NAALADL2: variants seen among roughly 807,000 people sequenced by gnomAD.
NAALADL2 encodes the protein N-acetylated alpha-linked acidic dipeptidase like 2, also known as inactive N-acetylated-alpha-linked acidic dipeptidase-like protein 2.
In NAALADL2, 76 loss-of-function variants were observed where a neutral mutation model predicts 87.2. That is an observed-to-expected ratio of 0.87 (90% confidence interval 0.72 to 1.05). The LOEUF (loss-of-function observed/expected upper bound fraction) is 1.05, where lower values mean the gene tolerates loss of function less well. NAALADL2 is among the 50% of genes least tolerant of loss of function. The probability of loss-of-function intolerance (pLI) is 0.00; values close to 1 mark genes in which losing one functional copy is unlikely to be tolerated. For missense variants in NAALADL2, 1,089 were observed against 945.8 expected (o/e 1.15, Z -1.99); for synonymous variants, 354 against 331.0 (o/e 1.07, Z -0.75).
intron 1 of NAALADL2, among the ~76,000 whole-genome samples, chr3:174,979,273 A>G (rs1744779507): frequency 6.7e-6 from 1 of 150,038 alleles, no homozygotes; most frequent in African/African-American, 2.5e-5. Flanking sequence ...AAGACTTACC[A>G]ATATCTAGTA....
rs550957431 is a variant in NAALADL2 at position 175,791,848 on chromosome 3, C to T, written c.2190-11157C>T. 5.5e-4 allele frequency among the ~76,000 whole-genome samples: 82 copies of T among 150,338 alleles called. 1 individual carries two copies. The highest frequency in any genetic ancestry group is 9.5e-4 in the Non-Finnish European group (64 of 67,702). On this transcript the variant is annotated intron_variant, in intron 13 of 13. Coordinates refer to ENST00000454872, the MANE Select transcript of NAALADL2 (RefSeq NM_207015.3). The stretch of plus-strand genomic sequence containing the variant: ...CTATTTTGTGCTGCATACCTGAGGA[C>T]CCTCTTCAACCCTCTAATATTCACA...
intron 1 of NAALADL2, among the ~76,000 whole-genome samples, chr3:174,491,546 A>C (rs1220810220): frequency 6.6e-6 from 1 of 152,200 alleles, no homozygotes; most frequent in Non-Finnish European, 1.5e-5. Context: ...TCTATGTTTA[A>C]ATAAATTAAT....
At chr3:175,040,638 T>C (rs1313026977) in intron 1 of NAALADL2, among the ~76,000 whole-genome samples, 1 of 152,192 alleles carries the variant, frequency 6.6e-6, no homozygotes, top group Non-Finnish European at 1.5e-5. Flanking sequence ...CTTTTTTCCA[T>C]CTACGATAGT....
chr3:175,188,509 G>T (rs1355484384), intron 2 of NAALADL2, among the ~76,000 whole-genome samples: 1 of 152,062 alleles, frequency 6.6e-6, no homozygotes, highest in Admixed American at 6.6e-5. Context: ...CACCTTCTGG[G>T]GCCAAGCTAA....
chr3:175,426,938 C>A lies in NAALADL2; in HGVS notation c.1091-20291C>A, dbSNP rs563247855. ...TTGTGATGACCGGAAACAGAATGTG[C>A]TGACTAAGCAACCTGAGCAACCTCA... On this transcript the variant is annotated intron_variant, in intron 5 of 13. Transcript: ENST00000454872. Among the ~76,000 whole-genome samples the A allele has an allele frequency of 8.5e-5, 13 of 152,240 alleles. No homozygotes were observed. In the South Asian group the frequency reaches 2.1e-3, roughly 24 times the overall value.
chr3:175,368,325 G>T lies in NAALADL2; in HGVS notation c.1090+44000G>T, dbSNP rs540534558. ...TATTGGTCTAAAATTCTCTTTTTTGGTTGTGTCTCTGCCTGGCTTTGGTAT... is the reference window on the plus strand; with the variant it reads ...TATTGGTCTAAAATTCTCTTTTTTGTTTGTGTCTCTGCCTGGCTTTGGTAT... On this transcript the variant is annotated intron_variant, in intron 5 of 13. Transcript: ENST00000454872. Among the ~76,000 whole-genome samples, 470 of 151,956 alleles carry T rather than the reference G, an allele frequency of 3.1e-3. 3 individuals are homozygous for T. The highest frequency in any genetic ancestry group is 0.011 in the African/African-American group (438 of 41,492).
chr3:175,046,960 G>A (rs896700949), intron 1 of NAALADL2, among the ~76,000 whole-genome samples: 2 of 152,132 alleles, frequency 1.3e-5, no homozygotes, highest in African/African-American at 4.8e-5. Flanking sequence ...CAAGATCAAA[G>A]TGCCAGAAGA....
chr3:175,015,488 G>A (rs956327857), intron 1 of NAALADL2, among the ~76,000 whole-genome samples: 1 of 151,998 alleles, frequency 6.6e-6, no homozygotes, highest in African/African-American at 2.4e-5. Context: ...TCTTGCCTGA[G>A]ACCTGATAAA....
chr3:175,690,841 T>A lies in NAALADL2; in HGVS notation c.1897-46465T>A, dbSNP rs952724938. ...TGTCTTTATTGTTTTAGTGTAAAAA[T>A]AGTGATAATACTTTTTATGGATTTG... is the stretch of plus-strand genomic sequence containing the variant. On this transcript the variant is annotated intron_variant, in intron 11 of 13. Coordinates refer to ENST00000454872, the MANE Select transcript of NAALADL2 (RefSeq NM_207015.3). 3.3e-5 allele frequency among the ~76,000 whole-genome samples: 5 copies of A among 152,150 alleles called. No homozygotes were observed. The East Asian group carries it at 9.7e-4, about 29-fold the overall frequency.
chr3:174,637,357 A>G (rs1722748484), intron 2 of NAALADL2, among the ~76,000 whole-genome samples: 1 of 152,086 alleles, frequency 6.6e-6, no homozygotes, highest in Non-Finnish European at 1.5e-5. Context: ...ATAAATGATG[A>G]ATACTTGGTT....
intron 10 of NAALADL2, among the ~76,000 whole-genome samples, chr3:175,582,659 C>T (rs1039408669): frequency 2.0e-5 from 3 of 152,172 alleles, no homozygotes; most frequent in Non-Finnish European, 4.4e-5. Context: ...AGTTATTAAG[C>T]ACTTGCTGTG....
rs187651762 is a variant in NAALADL2 at position 175,053,166 on chromosome 3, C to T, written c.44-43624C>T. ...GATTTATTATGGTAAGTACTGAGAT[C>T]AGAAAGCATGTGTAACTATGTCATA... On this transcript the variant is annotated intron_variant, in intron 1 of 13. Coordinates refer to ENST00000454872, the MANE Select transcript of NAALADL2 (RefSeq NM_207015.3). Among the ~76,000 whole-genome samples the T allele has an allele frequency of 1.1e-4, 16 of 152,254 alleles. No homozygotes were observed. In the East Asian group the frequency reaches 2.9e-3, roughly 28 times the overall value.
chr3:174,531,325 C>T (rs1045125419), intron 1 of NAALADL2, among the ~76,000 whole-genome samples: 1 of 151,798 alleles, frequency 6.6e-6, no homozygotes, highest in African/African-American at 2.4e-5. Flanking sequence ...TTGAGATCAG[C>T]ACTCAAGTAG....
At chr3:174,846,487 T>C (rs536579704) in intron 3 of NAALADL2, among the ~76,000 whole-genome samples, 1 of 152,210 alleles carries the variant, frequency 6.6e-6, no homozygotes, top group African/African-American at 2.4e-5. Context: ...TCTTAAAATT[T>C]TGTATGCCAC....
chr3:175,147,571 T>C (rs2108762262), intron 2 of NAALADL2, among the ~76,000 whole-genome samples: 1 of 100,510 alleles, frequency 9.9e-6, no homozygotes, highest in East Asian at 3.2e-4. Flanking sequence ...TATGTCTTTT[T>C]GGTAGAACAG....
chr3:175,025,306 C>T (rs1396859511), intron 1 of NAALADL2, among the ~76,000 whole-genome samples: 2 of 152,054 alleles, frequency 1.3e-5, no homozygotes, highest in African/African-American at 4.8e-5. Context: ...AACTGGTCAG[C>T]ACTGCCTACT....
intron 4 of NAALADL2, among the ~76,000 whole-genome samples, chr3:175,302,837 T>C (rs910080685): frequency 1.8e-4 from 26 of 144,106 alleles, no homozygotes; most frequent in African/African-American, 7.0e-4. Flanking sequence ...TGTGTGTATA[T>C]ATGTGTGTGT....
intron 1 of NAALADL2, among the ~76,000 whole-genome samples, chr3:175,003,767 C>G (rs1748579482): frequency 6.6e-6 from 1 of 152,200 alleles, no homozygotes; most frequent in African/African-American, 2.4e-5. Context: ...ATAATAGTGA[C>G]TATGAAGATG....
intron 10 of NAALADL2, 69 bp from the exon 11 acceptor site, chr3:175,627,222 A>AATC: frequency 7.9e-7 from 1 of 1,266,946 alleles, no homozygotes; most frequent in South Asian, 1.4e-5. Flanking sequence ...CTTTAAGGAA[A>AATC]ATCCAATAAA....
Sources: gnomAD v4.1 joint callset for allele counts (sites outside exome capture counted in the v4.1 genomes callset) on GRCh38, gnomAD v4.1.1 for gene constraint, MANE v1.5 for transcripts, NCBI Gene and HGNC (gene_info 2026-07-23, HGNC 2026-07-21) for gene names.